Variants in SLC38A8 observed in about 807,000 individuals in gnomAD.
The protein encoded by SLC38A8 is solute carrier family 38 member 8, also known as amino acid transporter SLC38A8.
SLC38A8 carries 65 observed loss-of-function variants against 46.0 expected under a neutral mutation model. The observed-to-expected ratio is 1.41, with a 90% CI of 1.16 to 1.74. The LOEUF is 1.74. Among genes scored for constraint, SLC38A8 ranks in the 40% most tolerant of loss-of-function variants. The pLI is 0.00. For missense variants in SLC38A8, 998 were observed against 567.9 expected, an observed-to-expected ratio of 1.76 and a Z score of -7.70; for synonymous variants, 447 against 243.7, an observed-to-expected ratio of 1.83 and a Z score of -7.77.
intron 4 of SLC38A8, among the ~76,000 whole-genome samples, chr16:84,032,225 G>C (rs2085249467): frequency 6.6e-6 from 1 of 152,168 alleles, no homozygotes; most frequent in South Asian, 2.1e-4. Context: ...GTCTCGCTCT[G>C]TTGCCCAGGC....
intron 7 of SLC38A8, among the ~76,000 whole-genome samples, chr16:84,017,779 T>C (rs1567692364): frequency 6.6e-6 from 1 of 152,186 alleles, no homozygotes; most frequent in Non-Finnish European, 1.5e-5. Flanking sequence ...AGGGTGACAC[T>C]GCTTCTGTCA....
intron 8 of SLC38A8, 125 bp from the exon 9 acceptor site, chr16:84,016,852 G>A (rs2085033093): frequency 2.6e-6 from 3 of 1,173,450 alleles, no homozygotes; most frequent in Non-Finnish European, 2.3e-6. Flanking sequence ...ACACTCAGGT[G>A]TTTATTCCCC....
At chr16:84,020,596 C>A (rs1436419119) in intron 7 of SLC38A8, among the ~76,000 whole-genome samples, 1 of 152,310 alleles carries the variant, frequency 6.6e-6, no homozygotes, top group Middle Eastern at 3.4e-3. Context: ...GATCAGGGGC[C>A]ACCTGACCCA....
rs751989768 is a variant in SLC38A8 at position 84,033,319 on chromosome 16, A to C, written c.530+9T>G. On this transcript the variant is annotated intron_variant, in intron 4 of 10. Transcript: ENST00000299709. ...GGGGGCCCCCACCAGGCAGCATCCC[A>C]GCCCTTACCTTGTGTATTTCTGGAA... 5.6e-6 allele frequency: 9 copies of C among 1,613,846 alleles called. No individual in the cohort carries two copies. In the African/African-American group the frequency reaches 1.2e-4, roughly 22 times the overall value.
intron 10 of SLC38A8, among the ~76,000 whole-genome samples, chr16:84,011,365 T>C (rs757255825): frequency 2.0e-5 from 3 of 152,096 alleles, no homozygotes; most frequent in Non-Finnish European, 4.4e-5. Context: ...TACCAGACAT[T>C]GGGAGGCTGG....
rs574174181 is a variant in SLC38A8 at position 84,037,980 on chromosome 16, T to A, written c.190-1080A>T. On this transcript the variant is annotated intron_variant, in intron 2 of 10. Coordinates refer to ENST00000299709, the MANE Select transcript of SLC38A8 (RefSeq NM_001080442.3). ...CACACCACCACACCCAGCTAATTGT[T>A]TTTTGTATTTTTAAATCTTTTTCCA... Among the ~76,000 whole-genome samples, 82 of 152,150 alleles carry A rather than the reference T, an allele frequency of 5.4e-4. 1 individual carries two copies. The highest frequency in any genetic ancestry group is 1.6e-3 in the African/African-American group (68 of 41,528).
rs776158589 is a variant in SLC38A8, at chr16:84,033,352, T to A, written c.506A>T (p.Glu169Val). The change falls in exon 4 of 11, where the codon GAG becomes GTG. Residue 169 changes from glutamate to valine, a missense_variant. Glu to Val is a moderately radical substitution (Grantham distance 121, BLOSUM62 -2). Transcript: ENST00000299709. ...CCTTGTGTATTTCTGGAAGGCGATC[T>A]CCCGCGGGGCAGACAGGGGCAGGAT... ...LVILPLSAPR[E>V]IAFQKYTSIL... is the part of the protein sequence containing the mutation. 1 of 1,613,932 alleles carries A rather than the reference T, an allele frequency of 6.2e-7. No individual in the cohort carries two copies. Among genetic ancestry groups the A allele is most frequent in the Non-Finnish European group, 8.5e-7 (1 of 1,179,986 alleles).
intron 6 of SLC38A8, among the ~76,000 whole-genome samples, chr16:84,025,689 G>A (rs370345743): frequency 1.6e-4 from 25 of 152,104 alleles, no homozygotes; most frequent in Non-Finnish European, 2.9e-4. Flanking sequence ...AGTCCTCCTC[G>A]GTGCAAGTGA....
In SLC38A8 at chr16:84,042,096, G is replaced by C. The variant is rs1567707268; in HGVS notation, c.62C>G (p.Ala21Gly). 1 of 1,614,050 alleles carries C rather than the reference G, an allele frequency of 6.2e-7. No homozygotes were observed. The highest frequency in any genetic ancestry group is 1.3e-5 in the African/African-American group (1 of 75,046). Residue 21 changes from alanine to glycine, a missense_variant, in exon 2 of 11, where the codon GCT (alanine) becomes GGT (glycine). Coordinates refer to ENST00000299709, the MANE Select transcript of SLC38A8 (RefSeq NM_001080442.3). ...AGCGCCCATCGAGGACAGAGTGGCA[G>C]CAGCCGTGGCAGGGTGAGGCTTTTC... ...LPEKPHPATA[A>G]ATLSSMGAVF...
intron 2 of SLC38A8, among the ~76,000 whole-genome samples, chr16:84,039,133 C>G (rs11149618): frequency 0.63 from 96,244 of 151,924 alleles, 30,838 homozygotes; most frequent in East Asian, 0.86. Context: ...AGGCCATAAA[C>G]CCAAGAAGCA....
chr16:84,021,114 G>C (rs1029679285), intron 7 of SLC38A8, among the ~76,000 whole-genome samples: 7 of 152,140 alleles, frequency 4.6e-5, no homozygotes, highest in Non-Finnish European at 2.9e-5. Flanking sequence ...CCAGGCTGGA[G>C]TGCAATGGTG....
At chr16:84,019,084 A>AT (rs879791868) in intron 7 of SLC38A8, among the ~76,000 whole-genome samples, 193 of 147,650 alleles carry the variant, frequency 1.3e-3, no homozygotes, top group Admixed American at 1.6e-3. Flanking sequence ...TCCAAAAAAA[A>AT]TTTTTTTTTT....
intron 9 of SLC38A8, among the ~76,000 whole-genome samples, chr16:84,013,426 T>TGTTG (rs1567689144): frequency 0.03 from 2,866 of 95,056 alleles, 127 homozygotes; most frequent in African/African-American, 0.17. Context: ...GTGTGTGTGT[T>TGTTG]TTTTTTTTTT....
intron 6 of SLC38A8, among the ~76,000 whole-genome samples, chr16:84,025,143 A>G (rs1020541167): frequency 8.2e-6 from 1 of 122,004 alleles, no homozygotes; most frequent in Non-Finnish European, 1.9e-5. Flanking sequence ...CTCTGTCCAG[A>G]CACACCGGGC....
intron 2 of SLC38A8, among the ~76,000 whole-genome samples, chr16:84,038,001 T>C (rs995581453): frequency 2.0e-5 from 3 of 151,994 alleles, no homozygotes; most frequent in Non-Finnish European, 4.4e-5. Context: ...TTAAATCTTT[T>C]TCCAAAATGT....
chr16:84,021,590 C>A (rs2085097080), intron 7 of SLC38A8, among the ~76,000 whole-genome samples: 1 of 152,184 alleles, frequency 6.6e-6, no homozygotes, highest in South Asian at 2.1e-4. Context: ...TGTCTCTAAG[C>A]CCTCACCAGA....
At chr16:84,040,713 G>C (rs978923541) in intron 2 of SLC38A8, among the ~76,000 whole-genome samples, 14 of 152,276 alleles carry the variant, frequency 9.2e-5, no homozygotes, top group African/African-American at 3.1e-4. Flanking sequence ...GTGGGGCTCA[G>C]CGCAAAGGTC....
intron 9 of SLC38A8, among the ~76,000 whole-genome samples, chr16:84,015,156 C>T (rs1290675820): frequency 1.3e-5 from 2 of 152,160 alleles, no homozygotes; most frequent in Non-Finnish European, 2.9e-5. Flanking sequence ...GGAACACGCA[C>T]TGAGGGAGTC....
intron 9 of SLC38A8, among the ~76,000 whole-genome samples, chr16:84,015,842 AT>A (rs2085018819): frequency 6.6e-6 from 1 of 152,186 alleles, no homozygotes; most frequent in South Asian, 2.1e-4. Flanking sequence ...AGTAGCTGTG[AT>A]TACAGGCATA....
Sources: allele counts gnomAD v4.1 joint callset (sites outside exome capture counted in the v4.1 genomes callset), GRCh38; gene constraint gnomAD v4.1.1; transcripts MANE v1.5; gene names NCBI Gene and HGNC (gene_info 2026-07-23, HGNC 2026-07-21).